The following CALN1 variants were observed in gnomAD, a reference collection of about 807,000 sequenced individuals.
CALN1 encodes calneuron 1.
CALN1 carries 17 observed loss-of-function variants against 30.6 expected under a neutral mutation model. The observed-to-expected ratio is 0.56, with a 90% CI of 0.38 to 0.83. CALN1 has a LOEUF of 0.83. CALN1 is among the 40% of genes least tolerant of loss of function. CALN1 has a pLI of 0.00. For synonymous variants in CALN1, 156 were observed against 131.4 expected (o/e 1.19, Z -1.28); for missense variants, 291 against 354.9 (o/e 0.82, Z 1.45).
chr7:72,482,202 T>G, the CALN1 span, among the ~76,000 whole-genome samples: 3 of 152,186 alleles, frequency 2.0e-5, no homozygotes, highest in African/African-American at 7.2e-5. Context: ...CCATTCAACT[T>G]CATTTTCATT....
chr7:72,000,683 TAATTC>T (rs1799480955), intron 5 of CALN1, among the ~76,000 whole-genome samples: 3 of 152,152 alleles, frequency 2.0e-5, no homozygotes, highest in Admixed American at 1.3e-4. Context: ...AAACACTTAC[TAATTC>T]ATTTTACAAG....
intron 2 of CALN1, among the ~76,000 whole-genome samples, chr7:72,377,978 C>G (rs188977805): frequency 5.3e-5 from 8 of 152,206 alleles, no homozygotes; most frequent in Admixed American, 2.6e-4. Flanking sequence ...CCCCTGCCCC[C>G]ATTTCCCCCA....
chr7:72,296,409 TA>T (rs1798861587), intron 2 of CALN1, among the ~76,000 whole-genome samples: 1 of 147,390 alleles, frequency 6.8e-6, no homozygotes, highest in East Asian at 2.0e-4. Flanking sequence ...CCTCTTTTTC[TA>T]TTGATTGGAA....
At chr7:72,403,530 C>G (rs1433776958) in intron 1 of CALN1, 88 bp from the exon 2 acceptor site, 3 of 546,502 alleles carry the variant, frequency 5.5e-6, no homozygotes, top group African/African-American at 1.9e-5. Flanking sequence ...TTCACACCCT[C>G]CCTTCCGTGT....
intron 4 of CALN1, among the ~76,000 whole-genome samples, chr7:72,069,150 T>A (rs888259530): frequency 6.6e-6 from 1 of 152,082 alleles, no homozygotes; most frequent in African/African-American, 2.4e-5. Context: ...GCTGGAGACG[T>A]CCGTGCGGAA....
chr7:72,368,564 A>T (rs539283025), intron 2 of CALN1, among the ~76,000 whole-genome samples: 53 of 152,242 alleles, frequency 3.5e-4, no homozygotes, highest in African/African-American at 1.2e-3. Flanking sequence ...CTCAAGAAAT[A>T]AGAAAAATCA....
chr7:72,111,143 C>T (rs541195889), intron 3 of CALN1, among the ~76,000 whole-genome samples: 10 of 152,352 alleles, frequency 6.6e-5, no homozygotes, highest in Admixed American at 1.3e-4. Context: ...AACACGTGCA[C>T]GTTAGACACT....
intron 5 of CALN1, among the ~76,000 whole-genome samples, chr7:71,844,846 A>G (rs192539234): frequency 6.6e-6 from 1 of 152,300 alleles, no homozygotes; most frequent in East Asian, 1.9e-4. Flanking sequence ...TAAATTGGAA[A>G]CAACATACTC....
chr7:72,140,489 G>A (rs903620887), intron 3 of CALN1, among the ~76,000 whole-genome samples: 1 of 152,172 alleles, frequency 6.6e-6, no homozygotes, highest in African/African-American at 2.4e-5. Context: ...CAGCTCTACA[G>A]TGAGACCCAC....
chr7:71,852,427 A>C (rs139438695), intron 5 of CALN1, among the ~76,000 whole-genome samples: 160 of 151,378 alleles, frequency 1.1e-3, no homozygotes, highest in African/African-American at 3.5e-3. Flanking sequence ...GATTGAGCTC[A>C]AGAGTTTGAG....
chr7:71,985,752 G>A (rs1013645297), intron 5 of CALN1, among the ~76,000 whole-genome samples: 1 of 151,602 alleles, frequency 6.6e-6, no homozygotes, highest in African/African-American at 2.4e-5. Context: ...ACTATGCCCT[G>A]CTAATTTTTG....
intron 5 of CALN1, among the ~76,000 whole-genome samples, chr7:71,904,309 G>C (rs1200746728): frequency 6.6e-6 from 1 of 152,088 alleles, no homozygotes; most frequent in Non-Finnish European, 1.5e-5. Context: ...GTCTATCAAA[G>C]GATGAATGGG....
intron 4 of CALN1, among the ~76,000 whole-genome samples, chr7:72,061,750 C>T (rs1305241172): frequency 2.3e-5 from 3 of 133,286 alleles, no homozygotes; most frequent in African/African-American, 8.4e-5. Flanking sequence ...TTCTAAATTT[C>T]TCAATAGAAA....
chr7:72,149,065 G>A (rs1002557209), intron 3 of CALN1, among the ~76,000 whole-genome samples: 1 of 152,074 alleles, frequency 6.6e-6, no homozygotes, highest in Non-Finnish European at 1.5e-5. Flanking sequence ...GTGTTATGCT[G>A]GTTTCCCTTC....
chr7:71,999,181 A>T (rs1355598170), intron 5 of CALN1, among the ~76,000 whole-genome samples: 1 of 152,222 alleles, frequency 6.6e-6, no homozygotes, highest in African/African-American at 2.4e-5. Flanking sequence ...TGGCTACATC[A>T]ATACAAATAA....
At chr7:72,056,945 TTTTG>T (rs1165615762) in intron 4 of CALN1, among the ~76,000 whole-genome samples, 5 of 152,126 alleles carry the variant, frequency 3.3e-5, no homozygotes, top group Non-Finnish European at 5.9e-5. Context: ...GTTGTTGTTG[TTTTG>T]TTTGTTTTAA....
chr7:72,238,818 T>C (rs1794648925), intron 3 of CALN1, among the ~76,000 whole-genome samples: 2 of 152,198 alleles, frequency 1.3e-5, no homozygotes, highest in Admixed American at 1.3e-4. Flanking sequence ...TAAACCTCTT[T>C]CCTTTGTAAA....
intron 5 of CALN1, among the ~76,000 whole-genome samples, chr7:71,850,875 G>GAA (rs1554354700): frequency 1.3e-5 from 2 of 151,918 alleles, no homozygotes; most frequent in East Asian, 1.9e-4. Flanking sequence ...ATACATATTT[G>GAA]AAATGAATGA....
intron 5 of CALN1, among the ~76,000 whole-genome samples, chr7:71,970,025 A>G (rs890508830): frequency 3.3e-5 from 5 of 152,030 alleles, no homozygotes; most frequent in African/African-American, 1.2e-4. Flanking sequence ...GGGTCTCACC[A>G]TGTTGCCTAG....
Sources: allele counts gnomAD v4.1 joint callset (sites outside exome capture counted in the v4.1 genomes callset), GRCh38; gene constraint gnomAD v4.1.1; transcripts MANE v1.5; gene names NCBI Gene and HGNC (gene_info 2026-07-23, HGNC 2026-07-21).